Variants in GSE1 observed in about 807,000 individuals in gnomAD.
GSE1 encodes Gse1 coiled-coil protein.
GSE1 carries 32 observed loss-of-function variants against 112.6 expected under a neutral mutation model. That is an observed-to-expected ratio of 0.28 (90% confidence interval 0.21 to 0.38). GSE1 has a LOEUF of 0.38. Ranked by LOEUF, GSE1 falls within the 10% of genes least tolerant of loss-of-function variation. The probability of loss-of-function intolerance (pLI) is 1.00; values close to 1 mark genes in which losing one functional copy is unlikely to be tolerated. For synonymous variants in GSE1, 1,115 were observed against 735.6 expected (o/e 1.52, Z -8.35); for missense variants, 2,348 against 1,699.2 (o/e 1.38, Z -6.71).
chr16:85,588,671 G>A (rs1035560349), intron 1 of GSE1, among the ~76,000 whole-genome samples: 2 of 152,194 alleles, frequency 1.3e-5, no homozygotes, highest in African/African-American at 4.8e-5. Flanking sequence ...TGTATTTCCC[G>A]ACTTGGCGGG....
intron 1 of GSE1, among the ~76,000 whole-genome samples, chr16:85,198,845 C>T (rs568858222): frequency 6.6e-6 from 1 of 152,228 alleles, no homozygotes; most frequent in Non-Finnish European, 1.5e-5. Flanking sequence ...GTGGTGTGAT[C>T]GTGACTCACT....
chr16:85,357,952 A>G (rs989605700), intron 2 of GSE1, among the ~76,000 whole-genome samples: 7 of 152,166 alleles, frequency 4.6e-5, no homozygotes, highest in African/African-American at 1.7e-4. Context: ...TCATTAAAAA[A>G]AATGATGTTA....
chr16:85,438,486 G>A (rs907996288), intron 2 of GSE1, among the ~76,000 whole-genome samples: 3 of 152,162 alleles, frequency 2.0e-5, no homozygotes, highest in African/African-American at 7.2e-5. Flanking sequence ...TGCTCTAAAC[G>A]CTGCCTCACT....
chr16:85,246,333 C>CACACA (rs1567636056), intron 1 of GSE1, among the ~76,000 whole-genome samples: 2,064 of 31,494 alleles, frequency 0.066, 106 homozygotes, highest in Non-Finnish European at 0.084. Flanking sequence ...ACACACACAC[C>CACACA]CCCCACACGC....
chr16:85,643,317 C>T (rs752675722), intron 2 of GSE1, among the ~76,000 whole-genome samples: 4 of 152,052 alleles, frequency 2.6e-5, no homozygotes, highest in Non-Finnish European at 4.4e-5. Context: ...AATGAGGGTT[C>T]GAGGGCCAGG....
At position 85,633,100 on chromosome 16, in the gene GSE1, G is replaced by A. The variant is rs537056933; in HGVS notation, c.8-814G>A. 7.2e-5 allele frequency among the ~76,000 whole-genome samples: 11 copies of A among 152,338 alleles called. No homozygotes were observed. In the South Asian group the frequency reaches 1.4e-3, roughly 20 times the overall value. On this transcript the variant is annotated intron_variant, in intron 1 of 15. Coordinates refer to ENST00000253458, the MANE Select transcript of GSE1 (RefSeq NM_014615.5). ...GGTCGGCCTGAACTTGGCCCTGGGAGGAAAGAGGGTTCCAAGCTGCACCGC... is the reference window on the plus strand; with the variant it reads ...GGTCGGCCTGAACTTGGCCCTGGGAAGAAAGAGGGTTCCAAGCTGCACCGC...
chr16:85,217,103 C>A (rs2075317613), intron 1 of GSE1, among the ~76,000 whole-genome samples: 1 of 152,248 alleles, frequency 6.6e-6, no homozygotes, highest in Non-Finnish European at 1.5e-5. Flanking sequence ...GACTCAGCCC[C>A]TTTCTGCTTC....
At chr16:85,293,163 G>A (rs930729292) in intron 1 of GSE1, among the ~76,000 whole-genome samples, 1 of 151,920 alleles carries the variant, frequency 6.6e-6, no homozygotes, top group Non-Finnish European at 1.5e-5. Flanking sequence ...TCCCCCCATC[G>A]CTGTACTTTT....
At chr16:85,229,817 G>T (rs2075551148) in intron 1 of GSE1, among the ~76,000 whole-genome samples, 1 of 152,208 alleles carries the variant, frequency 6.6e-6, no homozygotes, top group African/African-American at 2.4e-5. Context: ...TCTCATGGTT[G>T]CGAGATAGCT....
intron 1 of GSE1, among the ~76,000 whole-genome samples, chr16:85,259,389 C>T (rs1448361514): frequency 6.6e-6 from 1 of 152,178 alleles, no homozygotes; most frequent in African/African-American, 2.4e-5. Flanking sequence ...GCTCCAGGCA[C>T]CTGAAGACTT....
intron 1 of GSE1, among the ~76,000 whole-genome samples, chr16:85,356,213 CCAT>C (rs1239345695): frequency 1.3e-5 from 2 of 152,208 alleles, no homozygotes; most frequent in African/African-American, 4.8e-5. Flanking sequence ...ATCAGCATCC[CCAT>C]CATCGTCGTC....
At chr16:85,411,310 C>T (rs1440913449) in intron 2 of GSE1, among the ~76,000 whole-genome samples, 1 of 17,304 alleles carries the variant, frequency 5.8e-5, no homozygotes, top group Non-Finnish European at 1.5e-4. Context: ...CACTCAGGCC[C>T]CCCGGATAAT....
At chr16:85,388,399 G>A (rs2047752697) in intron 2 of GSE1, among the ~76,000 whole-genome samples, 1 of 137,834 alleles carries the variant, frequency 7.3e-6, no homozygotes, top group Admixed American at 7.3e-5. Context: ...TGGATGGATG[G>A]ATGGATGGAT....
At chr16:85,557,213 C>T (rs540611642) in intron 1 of GSE1, among the ~76,000 whole-genome samples, 2 of 152,340 alleles carry the variant, frequency 1.3e-5, no homozygotes, top group East Asian at 1.9e-4. Context: ...CGCCGTCACC[C>T]CCACTCCTGT....
chr16:85,668,388 G>C lies in GSE1; in HGVS notation c.3379G>C (p.Glu1127Gln). The C allele has an allele frequency of 6.2e-7, 1 of 1,612,038 alleles. No homozygotes were observed. The highest frequency in any genetic ancestry group is 1.1e-5 in the South Asian group (1 of 91,018). The change falls in exon 14 of 16, where the codon GAG becomes CAG. Residue 1127 changes from glutamate to glutamine, a missense_variant. Glu to Gln is a conservative substitution (Grantham distance 29). Coordinates refer to ENST00000253458, the MANE Select transcript of GSE1 (RefSeq NM_014615.5). ...CCCCAAGCGCAAGTGGCAAGGGATC[G>C]AGGCCGTTTTTGAAGCTTACCAGGA... ...EVPKRKWQGI[E>Q]AVFEAYQEHI...
chr16:85,671,065 C>A lies in GSE1; in HGVS notation c.3486C>A (p.Ser1162Arg), dbSNP rs751172054. ...TGGAGGCCCGGCACTACAGCCTCAG[C>A]CTGACGGCAGAGCAGCTCTCCCACA... ...RRLEARHYSL[S>R]LTAEQLSHSV... Residue 1162 changes from serine (S) to arginine (R), a missense_variant, in exon 15 of 16, where the codon AGC becomes AGA. By Grantham distance (110) the Ser-to-Arg change is moderately radical. Transcript: ENST00000253458. 6.2e-7 allele frequency: 1 copy of A among 1,610,300 alleles called. No individual in the cohort carries two copies. The highest frequency in any genetic ancestry group is 8.5e-7 in the Non-Finnish European group (1 of 1,176,584).
chr16:85,469,827 G>T (rs915113511), intron 2 of GSE1, among the ~76,000 whole-genome samples: 2 of 152,348 alleles, frequency 1.3e-5, no homozygotes, highest in Admixed American at 1.3e-4. Context: ...CTGCTGAAGC[G>T]GGTCCCCTAA....
chr16:85,512,107 T>C (rs1384537886), intron 2 of GSE1, among the ~76,000 whole-genome samples: 1 of 151,954 alleles, frequency 6.6e-6, no homozygotes. Context: ...TTGCACAAGG[T>C]GTAAGGAGCA....
intron 2 of GSE1, among the ~76,000 whole-genome samples, chr16:85,549,928 A>G (rs1173059428): frequency 6.6e-6 from 1 of 152,146 alleles, no homozygotes; most frequent in African/African-American, 2.4e-5. Context: ...GTAAGATGAC[A>G]TCGTAGGAAA....
Sources: gnomAD v4.1 joint callset for allele counts (sites outside exome capture counted in the v4.1 genomes callset) on GRCh38, gnomAD v4.1.1 for gene constraint, MANE v1.5 for transcripts, NCBI Gene and HGNC (gene_info 2026-07-23, HGNC 2026-07-21) for gene names.